The following MDN1 variants were observed in gnomAD, a reference collection of about 807,000 sequenced individuals.
The protein encoded by MDN1 is midasin AAA ATPase 1, also known as midasin.
A neutral mutation model predicts 669.2 loss-of-function variants in MDN1; 266 were observed. The ratio of observed to expected loss-of-function variants is 0.40; its 90% CI spans 0.36 to 0.44. MDN1 has a LOEUF of 0.44. MDN1 is among the 20% of genes least tolerant of loss of function. The pLI, the probability that MDN1 is intolerant of heterozygous loss-of-function variation, is 1.00. For synonymous variants in MDN1, 2,385 were observed against 2,457.1 expected (o/e 0.97, Z 0.87); for missense variants, 5,940 against 6,754.0 (o/e 0.88, Z 4.22).
intron 1 of MDN1, among the ~76,000 whole-genome samples, chr6:89,803,890 C>CTT (rs370234875): frequency 1.1e-5 from 1 of 93,226 alleles, no homozygotes; most frequent in African/African-American, 4.1e-5. Flanking sequence ...CTTTTCTTTT[C>CTT]TTTTCTTTTT....
chr6:89,771,187 T>A (rs945238597), intron 15 of MDN1, among the ~76,000 whole-genome samples: 2 of 152,210 alleles, frequency 1.3e-5, no homozygotes, highest in Non-Finnish European at 2.9e-5. Context: ...ACCAGAAGAA[T>A]GACTGATCCT....
intron 45 of MDN1, 51 bp from the exon 46 acceptor site, chr6:89,714,802 C>T (rs1562129881): frequency 1.3e-6 from 2 of 1,487,272 alleles, no homozygotes; most frequent in South Asian, 2.5e-5. Flanking sequence ...CCCAGTGCAA[C>T]CAAAGGTGTA....
intron 1 of MDN1, chr6:89,815,267 TGATAGTG>T (rs1479310758): frequency 2.2e-6 from 1 of 444,460 alleles, no homozygotes; most frequent in Non-Finnish European, 4.4e-6. Flanking sequence ...CCAGCGCATC[TGATAGTG>T]ACCTAGCACC....
chr6:89,648,988 TTA>T (rs1808672212), intron 97 of MDN1, among the ~76,000 whole-genome samples: 1 of 134,902 alleles, frequency 7.4e-6, no homozygotes, highest in African/African-American at 2.5e-5. Flanking sequence ...GACCCTGTCT[TTA>T]AAAAAAAAAA....
chr6:89,646,416 G>A (rs542982484), intron 100 of MDN1, 124 bp downstream of exon 100: 6 of 797,112 alleles, frequency 7.5e-6, no homozygotes, highest in African/African-American at 7.0e-5. Context: ...ATCAATTTAT[G>A]TCTTTTCCTG....
chr6:89,740,227 G>C lies in MDN1; in HGVS notation c.4593+7C>G, dbSNP rs1237471969. ...TAGAAAGAAAATGTGCATCAGTAAA[G>C]TTTTACCTCCTTTTTTCCAAAGTCA... On this transcript the variant is annotated splice_region_variant and intron_variant, in intron 32 of 101. Transcript: ENST00000369393. 1 of 1,611,118 alleles carries C rather than the reference G, an allele frequency of 6.2e-7. No individual in the cohort carries two copies.
intron 90 of MDN1, among the ~76,000 whole-genome samples, chr6:89,657,467 C>A (rs1052633713): frequency 6.6e-6 from 1 of 152,158 alleles, no homozygotes; most frequent in African/African-American, 2.4e-5. Flanking sequence ...ACATCACCAC[C>A]AGATCAAAGA....
chr6:89,787,903 C>T lies in MDN1; in HGVS notation c.1285G>A (p.Gly429Ser). 1 of 1,613,712 alleles carries T rather than the reference C, an allele frequency of 6.2e-7. No individual in the cohort carries two copies. Among genetic ancestry groups the T allele is most frequent in the Non-Finnish European group, 8.5e-7 (1 of 1,180,028 alleles). The change falls in exon 8 of 102, where the codon GGT (glycine) becomes AGT (serine). Residue 429 changes from glycine (G) to serine (S), a missense_variant. Gly to Ser is a moderately conservative substitution (Grantham distance 56, BLOSUM62 0). Around this residue, in one of 5 missense-constraint regions of MDN1, gnomAD observed 1,203 missense variants for 1,268.9 expected, o/e 0.95. Transcript: ENST00000369393. ...ENGELLIPGRGDCLKVAPGFQ... is the reference protein window; with the variant it reads ...ENGELLIPGRSDCLKVAPGFQ... ...CCAGGTGCCACTTTCAGACAGTCACCTCGGCCAGGAATCAAGAGCTCTCCA... is the reference window on the plus strand; with the variant it reads ...CCAGGTGCCACTTTCAGACAGTCACTTCGGCCAGGAATCAAGAGCTCTCCA...
At chr6:89,805,149 G>C (rs1005495438) in intron 1 of MDN1, among the ~76,000 whole-genome samples, 8 of 151,888 alleles carry the variant, frequency 5.3e-5, no homozygotes, top group African/African-American at 1.9e-4. Flanking sequence ...GTGTATACAG[G>C]TCTGCACAAC....
chr6:89,703,343 C>A, intron 53 of MDN1, among the ~76,000 whole-genome samples: 1 of 135,654 alleles, frequency 7.4e-6, no homozygotes, highest in South Asian at 2.7e-4. Context: ...AAAAACAAAA[C>A]AAAAATAACT....
intron 34 of MDN1, among the ~76,000 whole-genome samples, chr6:89,732,082 A>T (rs1815640024): frequency 6.6e-6 from 1 of 152,148 alleles, no homozygotes. Flanking sequence ...CAAAACTTGC[A>T]TCAAAAATAA....
In MDN1 at chr6:89,688,110, T is replaced by C. The variant is rs763191918; in HGVS notation, c.11323A>G (p.Asn3775Asp). 1 of 1,614,114 alleles carries C rather than the reference T, an allele frequency of 6.2e-7. No individual in the cohort carries two copies. Among genetic ancestry groups the C allele is most frequent in the Non-Finnish European group, 8.5e-7 (1 of 1,179,982 alleles). Residue 3775 changes from asparagine to aspartate, a missense_variant, in exon 67 of 102, where the codon AAT becomes GAT. Coordinates refer to ENST00000369393, the MANE Select transcript of MDN1 (RefSeq NM_014611.3). ...PLSSPISKFL[N>D]GLEILLAKAQ... ...TTTGCCAGAAGGATCTCTAAGCCAT[T>C]CAGGAACTTTGAGATGGGACTGGAA...
intron 101 of MDN1, 133 bp downstream of exon 101, chr6:89,644,882 G>T: frequency 1.1e-6 from 1 of 951,848 alleles, no homozygotes; most frequent in Non-Finnish European, 1.5e-6. Context: ...GCCTACAATG[G>T]TACTTGACAG....
At position 89,718,385 on chromosome 6, in the gene MDN1, G is replaced by T; in HGVS notation, c.6564C>A (p.Ile2188=). ...ACATACCTGCCTTGCAGTATGAGTT[G>T]ATTTTATTGTTGAGTCGCTGCATAA... is the stretch of plus-strand genomic sequence containing the variant. ...LLLMQRLNNK[I]NSYCKAEFAK... is the part of the protein sequence containing the mutation. The change falls in exon 43 of 102, where the codon ATC becomes ATA. Residue 2188 remains isoleucine (I), a synonymous_variant. Transcript: ENST00000369393. 1 of 1,613,840 alleles carries T rather than the reference G, an allele frequency of 6.2e-7. No homozygotes were observed. The highest frequency in any genetic ancestry group is 1.1e-5 in the South Asian group (1 of 91,066).
In MDN1 at chr6:89,702,842, C is replaced by T. The variant is rs1166906362; in HGVS notation, c.8149-781G>A. On this transcript the variant is annotated intron_variant, in intron 53 of 101. Coordinates refer to ENST00000369393, the MANE Select transcript of MDN1 (RefSeq NM_014611.3). The stretch of plus-strand genomic sequence containing the variant: ...TTTAGATTGTAAAGATCTTCTCCTA[C>T]GTTTTCTTTTAGCCAGCTCATAGTG... 2.6e-5 allele frequency among the ~76,000 whole-genome samples: 4 copies of T among 151,928 alleles called. No homozygotes were observed. In the South Asian group the frequency reaches 8.3e-4, roughly 31 times the overall value.
At position 89,673,294 on chromosome 6, in the gene MDN1, T is replaced by C. The variant is rs747941818; in HGVS notation, c.13416A>G (p.Lys4472=). 6.2e-7 allele frequency: 1 copy of C among 1,614,214 alleles called. No homozygotes were observed. The highest frequency in any genetic ancestry group is 1.1e-5 in the South Asian group (1 of 91,082). Residue 4472 remains lysine (K), a synonymous_variant, in exon 80 of 102, where the codon AAA becomes AAG. Transcript: ENST00000369393. ...TCCAGGTAGTAAAGTCAGCCATGGC[T>C]TTACTAATTTCTCCTCTTACATATT... ...SLEYVRGEIS[K]AMADFTTWKT... is the part of the protein sequence containing the mutation.
chr6:89,680,415 T>G (rs2128305955), intron 74 of MDN1, among the ~76,000 whole-genome samples, 174 bp downstream of exon 74: 1 of 152,358 alleles, frequency 6.6e-6, no homozygotes, highest in Admixed American at 6.5e-5. Context: ...TTGTGTGTTC[T>G]CAGTAGGCTC....
chr6:89,691,777 T>C (rs1286356322), intron 63 of MDN1, among the ~76,000 whole-genome samples: 2 of 152,208 alleles, frequency 1.3e-5, no homozygotes, highest in African/African-American at 4.8e-5. Flanking sequence ...GTTGTACATT[T>C]TGTAGCAATT....
intron 95 of MDN1, among the ~76,000 whole-genome samples, chr6:89,651,832 C>A (rs192604580): frequency 3.3e-5 from 5 of 152,218 alleles, no homozygotes; most frequent in African/African-American, 1.2e-4. Context: ...TTAATCCACA[C>A]TACCACGTTA....
Sources: allele counts gnomAD v4.1 joint callset (sites outside exome capture counted in the v4.1 genomes callset), GRCh38; gene constraint gnomAD v4.1.1; regional missense constraint gnomAD v4.1.1; transcripts MANE v1.5; gene names NCBI Gene and HGNC (gene_info 2026-07-23, HGNC 2026-07-21).